Variants in ATRNL1 observed in about 807,000 individuals in gnomAD.
ATRNL1 encodes the protein attractin like 1, also known as attractin-like protein 1.
Under a neutral mutation model 182.7 loss-of-function variants are expected in ATRNL1, and 95 were observed. The observed-to-expected ratio is 0.52, with a 90% confidence interval of 0.44 to 0.62. ATRNL1 has a LOEUF of 0.62. Among genes scored for constraint, ATRNL1 ranks in the 20% least tolerant of loss-of-function variants. The pLI, the probability that ATRNL1 is intolerant of heterozygous loss-of-function variation, is 0.00. For synonymous variants in ATRNL1, 576 were observed against 568.3 expected, an observed-to-expected ratio of 1.01 and a Z score of -0.19; for missense variants, 1,471 against 1,679.5, an observed-to-expected ratio of 0.88 and a Z score of 2.17.
At chr10:115,834,870 AG>A (rs1342064697) in intron 27 of ATRNL1, among the ~76,000 whole-genome samples, 3 of 152,132 alleles carry the variant, frequency 2.0e-5, no homozygotes, top group African/African-American at 7.2e-5. Context: ...CAAAGGGTTT[AG>A]TTTGCTTTGT....
rs952759532 is a variant in ATRNL1, at chr10:115,250,703, G to A, written c.1687+8978G>A. ...ATTGGTCTTTTAATTCAGATGAGCT[G>A]TCTGAGAATGTTCTTGTCCACTGGA... On this transcript the variant is annotated intron_variant, in intron 10 of 28. Coordinates refer to ENST00000355044, the MANE Select transcript of ATRNL1 (RefSeq NM_207303.4). Among the ~76,000 whole-genome samples, 11 of 152,322 alleles carry A rather than the reference G, an allele frequency of 7.2e-5. No homozygotes were observed. In the South Asian group the frequency reaches 8.3e-4, roughly 11 times the overall value.
At chr10:115,105,251 G>A (rs1349063898) in intron 1 of ATRNL1, among the ~76,000 whole-genome samples, 2 of 151,882 alleles carry the variant, frequency 1.3e-5, no homozygotes, top group Admixed American at 6.6e-5. Context: ...CTGCCTAGAG[G>A]TTTGTGGAAC....
chr10:115,143,123 T>A (rs1035199997), intron 5 of ATRNL1, among the ~76,000 whole-genome samples: 6 of 152,140 alleles, frequency 3.9e-5, no homozygotes, highest in Non-Finnish European at 7.4e-5. Context: ...TGGATGAGAT[T>A]ACCAGGAAAG....
At chr10:115,390,137 G>C (rs368708374) in intron 19 of ATRNL1, among the ~76,000 whole-genome samples, 2 of 152,048 alleles carry the variant, frequency 1.3e-5, no homozygotes, top group Non-Finnish European at 2.9e-5. Context: ...TTTTCTCCCG[G>C]TATGTGGATT....
rs183747388 is a variant in ATRNL1 at position 115,353,427 on chromosome 10, C to T, written c.3175+19008C>T. Reference sequence around the variant, plus strand: ...TCCATTTGCATGGAATATTTCATTTCATTTCCTTCATTTTTAGTGTATGTT... The same window carrying T: ...TCCATTTGCATGGAATATTTCATTTTATTTCCTTCATTTTTAGTGTATGTT... On this transcript the variant is annotated intron_variant, in intron 19 of 28. Transcript: ENST00000355044. Among the ~76,000 whole-genome samples the T allele has an allele frequency of 2.0e-5, 3 of 152,138 alleles. No individual in the cohort carries two copies. The East Asian group carries it at 5.8e-4, about 29-fold the overall frequency.
intron 28 of ATRNL1, among the ~76,000 whole-genome samples, chr10:115,898,099 T>C (rs1339446039): frequency 1.3e-5 from 2 of 152,056 alleles, no homozygotes; most frequent in African/African-American, 2.4e-5. Context: ...AGCTAATTTT[T>C]GTATTTTTAG....
At chr10:115,719,118 AT>A (rs1947342468) in intron 26 of ATRNL1, among the ~76,000 whole-genome samples, 1 of 151,974 alleles carries the variant, frequency 6.6e-6, no homozygotes, top group South Asian at 2.1e-4. Context: ...AAAAAACAAA[AT>A]TTTTCCTAGA....
chr10:115,517,651 G>A (rs1850708668), intron 24 of ATRNL1, among the ~76,000 whole-genome samples: 1 of 151,494 alleles, frequency 6.6e-6, no homozygotes, highest in East Asian at 1.9e-4. Context: ...TTTCATTTAG[G>A]TATTTATCAA....
intron 1 of ATRNL1, among the ~76,000 whole-genome samples, chr10:115,114,100 C>T (rs943771716): frequency 6.6e-6 from 1 of 152,026 alleles, no homozygotes; most frequent in East Asian, 1.9e-4. Flanking sequence ...AATAAATTCA[C>T]CTGTCTGCTG....
chr10:115,223,755 A>T (rs1357872725), intron 9 of ATRNL1, among the ~76,000 whole-genome samples: 1 of 151,230 alleles, frequency 6.6e-6, no homozygotes, highest in African/African-American at 2.4e-5. Context: ...ATTTAAAAGG[A>T]TTAAAATAAT....
chr10:115,522,512 A>G (rs1850995301), intron 25 of ATRNL1, among the ~76,000 whole-genome samples: 1 of 152,210 alleles, frequency 6.6e-6, no homozygotes, highest in South Asian at 2.1e-4. Flanking sequence ...TCAATCTCCA[A>G]CGATGGGTAT....
At chr10:115,187,981 G>A (rs961427572) in intron 8 of ATRNL1, among the ~76,000 whole-genome samples, 2 of 136,906 alleles carry the variant, frequency 1.5e-5, no homozygotes, top group African/African-American at 2.6e-5. Flanking sequence ...CACCCAGCTG[G>A]TTCTTAAGAA....
At chr10:115,359,912 T>C (rs969285645) in intron 19 of ATRNL1, among the ~76,000 whole-genome samples, 18 of 151,630 alleles carry the variant, frequency 1.2e-4, no homozygotes, top group African/African-American at 4.3e-4. Context: ...CCATAACATA[T>C]GTATTTTATG....
chr10:115,464,659 A>T (rs1462122076), intron 22 of ATRNL1, among the ~76,000 whole-genome samples: 2 of 151,930 alleles, frequency 1.3e-5, no homozygotes, highest in East Asian at 3.9e-4. Context: ...ATCAATTGGA[A>T]ATTTTGTGTG....
At chr10:115,644,138 A>T (rs1263722565) in intron 26 of ATRNL1, among the ~76,000 whole-genome samples, 4 of 152,188 alleles carry the variant, frequency 2.6e-5, no homozygotes, top group African/African-American at 9.6e-5. Flanking sequence ...TACTAAAAGG[A>T]ACTAAACTAC....
chr10:115,940,227 A>C lies in ATRNL1; in HGVS notation c.4019-4431A>C, dbSNP rs116210309. On this transcript the variant is annotated intron_variant, in intron 28 of 28. Transcript: ENST00000355044. The stretch of plus-strand genomic sequence containing the variant: ...AGACTAACTAGAAGTGGGGCATCCT[A>C]TGTGGTTAGGGGTACATATTTGGTT... Among the ~76,000 whole-genome samples the C allele has an allele frequency of 9.3e-4, 142 of 152,234 alleles. 4 individuals are homozygous for C. Among genetic ancestry groups the C allele is most frequent in the Non-Finnish European group, 3.8e-4 (26 of 67,988 alleles).
rs367904656 is a variant in ATRNL1 at position 115,302,056 on chromosome 10, C to G, written c.2818+13C>G. ...GCCACCTGCTCCCGTAAGTATTTAT[C>G]TAGAGTGACTTTTCACTTGACAGCA... is the stretch of plus-strand genomic sequence containing the variant. On this transcript the variant is annotated intron_variant, in intron 17 of 28. Coordinates refer to ENST00000355044, the MANE Select transcript of ATRNL1 (RefSeq NM_207303.4). 2 of 1,582,690 alleles carry G rather than the reference C, an allele frequency of 1.3e-6. No individual in the cohort carries two copies. The highest frequency in any genetic ancestry group is 1.4e-5 in the African/African-American group (1 of 73,810).
chr10:115,540,163 CT>C (rs1554991575), intron 25 of ATRNL1, among the ~76,000 whole-genome samples: 1 of 149,464 alleles, frequency 6.7e-6, no homozygotes, highest in Non-Finnish European at 1.5e-5. Context: ...ATATATAGTG[CT>C]TTATAAACTT....
At chr10:115,532,449 T>G (rs1851653824) in intron 25 of ATRNL1, among the ~76,000 whole-genome samples, 1 of 152,182 alleles carries the variant, frequency 6.6e-6, no homozygotes, top group Non-Finnish European at 1.5e-5. Context: ...TGTATAAGAA[T>G]GCTTGTGATT....
Sources: gnomAD v4.1 joint callset for allele counts (sites outside exome capture counted in the v4.1 genomes callset) on GRCh38, gnomAD v4.1.1 for gene constraint, MANE v1.5 for transcripts, NCBI Gene and HGNC (gene_info 2026-07-23, HGNC 2026-07-21) for gene names.